Variants in AXDND1 observed in about 807,000 individuals in gnomAD.
The protein encoded by AXDND1 is axonemal dynein light chain domain containing 1.
AXDND1 carries 110 observed loss-of-function variants against 137.5 expected under a neutral mutation model. That is an observed-to-expected ratio of 0.80 (90% confidence interval 0.69 to 0.94). The LOEUF (loss-of-function observed/expected upper bound fraction) is 0.94, where lower values mean the gene tolerates loss of function less well. Ranked by LOEUF, AXDND1 falls within the 40% of genes least tolerant of loss-of-function variation. The pLI is 0.00. For missense variants in AXDND1, 1,191 were observed against 1,169.8 expected (o/e 1.02, Z -0.26); for synonymous variants, 414 against 399.7 (o/e 1.04, Z -0.43).
intron 7 of AXDND1, among the ~76,000 whole-genome samples, chr1:179,383,115 A>G (rs1329863591): frequency 1.3e-5 from 2 of 151,710 alleles, no homozygotes; most frequent in East Asian, 1.9e-4. Context: ...GAGGTAACCA[A>G]TGTTAAAAGT....
intron 16 of AXDND1, among the ~76,000 whole-genome samples, chr1:179,466,155 A>G (rs1057210173): frequency 1.3e-5 from 2 of 151,970 alleles, no homozygotes; most frequent in South Asian, 2.1e-4. Context: ...GATGAACCCA[A>G]TACCTCAGTT....
intron 18 of AXDND1, among the ~76,000 whole-genome samples, chr1:179,486,917 G>T (rs559617949): frequency 6.7e-6 from 1 of 148,762 alleles, no homozygotes; most frequent in East Asian, 1.9e-4. Context: ...AAACAAGTCT[G>T]CATAGTAGCC....
chr1:179,456,994 T>G (rs1336301857), intron 16 of AXDND1: 3 of 1,569,494 alleles, frequency 1.9e-6, no homozygotes, highest in African/African-American at 2.7e-5. Context: ...CTTCAGTGTC[T>G]TCTTTAATGC....
chr1:179,425,554 G>A (rs1656422030), intron 12 of AXDND1, among the ~76,000 whole-genome samples: 3 of 151,682 alleles, frequency 2.0e-5, no homozygotes, highest in Admixed American at 2.0e-4. Context: ...GAATCAACAT[G>A]ATGGGGTCTC....
intron 12 of AXDND1, among the ~76,000 whole-genome samples, chr1:179,415,453 C>T (rs1381500980): frequency 2.6e-5 from 4 of 152,134 alleles, no homozygotes; most frequent in Non-Finnish European, 4.4e-5. Flanking sequence ...TAATTATAAA[C>T]ATATTAGAAG....
chr1:179,419,302 A>G (rs1655272398), intron 12 of AXDND1, among the ~76,000 whole-genome samples: 1 of 151,960 alleles, frequency 6.6e-6, no homozygotes, highest in South Asian at 2.1e-4. Flanking sequence ...AGATCACGCC[A>G]CTGCACTCCA....
chr1:179,542,207 C>T (rs1228819061), intron 25 of AXDND1, among the ~76,000 whole-genome samples: 1 of 152,124 alleles, frequency 6.6e-6, no homozygotes, highest in Non-Finnish European at 1.5e-5. Context: ...CTCAATATTT[C>T]TAATATTAGA....
At position 179,395,328 on chromosome 1, in the gene AXDND1, A is replaced by T. The variant is rs1178476759; in HGVS notation, c.1109+126A>T. 1.2e-5 allele frequency: 8 copies of T among 687,772 alleles called. No homozygotes were observed. In the Admixed American group the frequency reaches 2.1e-4, roughly 18 times the overall value. 42.6% of individuals were successfully genotyped at this position (687,772 alleles called of 1,614,324 possible). On this transcript the variant is annotated intron_variant, in intron 11 of 25. Coordinates refer to ENST00000367618, the MANE Select transcript of AXDND1 (RefSeq NM_144696.6). ...AAATCACATATAGATAGCTTACTTT[A>T]TCTGAATTTAGTTGATTTCTCATTC... is the stretch of plus-strand genomic sequence containing the variant.
At chr1:179,495,454 G>T (rs1263240692) in intron 20 of AXDND1, among the ~76,000 whole-genome samples, 4 of 151,916 alleles carry the variant, frequency 2.6e-5, no homozygotes, top group Admixed American at 1.3e-4. Context: ...ACTATACATG[G>T]TATTATTTTA....
chr1:179,478,459 G>A (rs1274107296), intron 17 of AXDND1, among the ~76,000 whole-genome samples: 2 of 152,206 alleles, frequency 1.3e-5, no homozygotes, highest in Non-Finnish European at 2.9e-5. Flanking sequence ...GCCATGGCTT[G>A]TGGCTTGCAC....
chr1:179,469,304 A>AT (rs1378369299), intron 17 of AXDND1, among the ~76,000 whole-genome samples: 1 of 151,868 alleles, frequency 6.6e-6, no homozygotes, highest in African/African-American at 2.4e-5. Flanking sequence ...ACTTAGCATA[A>AT]TTTTTTCAAG....
At chr1:179,435,768 A>G (rs890856562) in intron 15 of AXDND1, among the ~76,000 whole-genome samples, 7 of 152,240 alleles carry the variant, frequency 4.6e-5, no homozygotes, top group Non-Finnish European at 7.3e-5. Context: ...CATTCAGGAC[A>G]TAGGCATGGG....
At chr1:179,390,220 G>T (rs56232973) in intron 9 of AXDND1, among the ~76,000 whole-genome samples, 53,346 of 151,896 alleles carry the variant, frequency 0.35, 9,606 homozygotes, top group Middle Eastern at 0.45. Flanking sequence ...TTCCATGTTG[G>T]CTAGGCTGGT....
At chr1:179,511,393 G>GGTGTGT (rs59772845) in intron 21 of AXDND1, among the ~76,000 whole-genome samples, 15,613 of 145,010 alleles carry the variant, frequency 0.11, 983 homozygotes, top group East Asian at 0.33. Flanking sequence ...TGGTATATGG[G>GGTGTGT]GTGTGTGTGT....
intron 21 of AXDND1, among the ~76,000 whole-genome samples, chr1:179,518,996 A>C (rs1669806708): frequency 6.6e-6 from 1 of 151,902 alleles, no homozygotes; most frequent in African/African-American, 2.4e-5. Context: ...ACTAATTTAC[A>C]CTCCCACCAC....
chr1:179,554,444 A>G (rs1359094920), intron 25 of AXDND1, 68 bp from the exon 26 acceptor site: 2 of 1,613,698 alleles, frequency 1.2e-6, no homozygotes, highest in East Asian at 4.5e-5. Flanking sequence ...TTCCTTTATC[A>G]TACAGTTCTT....
At chr1:179,451,450 TG>T (rs1660541287) in intron 16 of AXDND1, 1 of 152,222 alleles carries the variant, frequency 6.6e-6, no homozygotes, top group African/African-American at 2.4e-5. Flanking sequence ...AATTTTTTCT[TG>T]GTCAAACTAG....
At chr1:179,528,921 C>T (rs1211743905) in intron 23 of AXDND1, among the ~76,000 whole-genome samples, 2 of 152,148 alleles carry the variant, frequency 1.3e-5, no homozygotes, top group Admixed American at 6.5e-5. Context: ...AGTATTTCAT[C>T]TCTTTCCTTA....
At chr1:179,385,498 C>CT in intron 9 of AXDND1, 139 bp downstream of exon 9, 1 of 998,048 alleles carries the variant, frequency 1.0e-6, no homozygotes, top group Admixed American at 2.5e-5. Flanking sequence ...ATTTTTTTTT[C>CT]TTTTTTGTTA....
Sources: allele counts gnomAD v4.1 joint callset (sites outside exome capture counted in the v4.1 genomes callset), GRCh38; gene constraint gnomAD v4.1.1; transcripts MANE v1.5; gene names NCBI Gene and HGNC (gene_info 2026-07-23, HGNC 2026-07-21).